Variants in ANKRD44 observed in about 807,000 individuals in gnomAD.
ANKRD44 encodes the protein serine/threonine-protein phosphatase 6 regulatory ankyrin repeat subunit B.
A neutral mutation model predicts 116.0 loss-of-function variants in ANKRD44; 35 were observed. The observed-to-expected ratio is 0.30, with a 90% CI of 0.23 to 0.40. ANKRD44 has a LOEUF of 0.40. Among genes scored for constraint, ANKRD44 ranks in the 10% least tolerant of loss-of-function variants. The pLI, the probability that ANKRD44 is intolerant of heterozygous loss-of-function variation, is 1.00. For synonymous variants in ANKRD44, 435 were observed against 461.8 expected (o/e 0.94, Z 0.74); for missense variants, 1,014 against 1,242.6 (o/e 0.82, Z 2.77).
chr2:197,188,759 A>G (rs1274358125), intron 1 of ANKRD44, among the ~76,000 whole-genome samples: 3 of 152,040 alleles, frequency 2.0e-5, no homozygotes, highest in Admixed American at 6.5e-5. Context: ...ACACACACAC[A>G]TTCACCCAAA....
At chr2:197,136,021 A>C (rs2079207891) in intron 4 of ANKRD44, 1 of 155,718 alleles carries the variant, frequency 6.4e-6, no homozygotes, top group South Asian at 1.9e-4. Flanking sequence ...ATCTGAGCAT[A>C]CCACTCCCCT....
Position 197,117,253 on chromosome 2 carries a change from T to C in ANKRD44, c.906+4079A>G, listed in dbSNP as rs1279439734. On this transcript the variant is annotated intron_variant, in intron 8 of 27. Transcript: ENST00000282272. Reference sequence around the variant, plus strand: ...CCTTCCTTTATTATTTATTTATTTATTTTTTTGACAGAGTCTTGCTCTGTT... The same window carrying C: ...CCTTCCTTTATTATTTATTTATTTACTTTTTTGACAGAGTCTTGCTCTGTT... 2.6e-5 allele frequency among the ~76,000 whole-genome samples: 4 copies of C among 152,132 alleles called. No homozygotes were observed. The East Asian group carries it at 5.8e-4, about 22-fold the overall frequency.
At chr2:197,202,076 G>A (rs1472410691) in intron 1 of ANKRD44, among the ~76,000 whole-genome samples, 1 of 152,260 alleles carries the variant, frequency 6.6e-6, no homozygotes. Flanking sequence ...CTTGGTGAAA[G>A]GCAGGTGGCC....
chr2:197,095,318 A>G (rs547332063), intron 10 of ANKRD44, among the ~76,000 whole-genome samples: 1 of 152,350 alleles, frequency 6.6e-6, no homozygotes, highest in African/African-American at 2.4e-5. Flanking sequence ...TGAGAAAAGA[A>G]TAAAGATGGG....
At chr2:197,120,003 T>G (rs1480762851) in intron 8 of ANKRD44, among the ~76,000 whole-genome samples, 1 of 152,144 alleles carries the variant, frequency 6.6e-6, no homozygotes, top group African/African-American at 2.4e-5. Context: ...CTCTCTCAAA[T>G]TATCTCTATC....
chr2:197,284,667 C>G (rs982918424), intron 1 of ANKRD44, among the ~76,000 whole-genome samples: 2 of 152,064 alleles, frequency 1.3e-5, no homozygotes, highest in Non-Finnish European at 2.9e-5. Flanking sequence ...GGGTGGATCA[C>G]TTGAGGCCAG....
At chr2:197,097,187 T>G (rs2078180159) in intron 10 of ANKRD44, among the ~76,000 whole-genome samples, 1 of 152,190 alleles carries the variant, frequency 6.6e-6, no homozygotes, top group African/African-American at 2.4e-5. Flanking sequence ...TAGGGAAAAA[T>G]TTTAAGTAAC....
Position 197,212,050 on chromosome 2 carries a change from T to A in ANKRD44, c.28-24944A>T, listed in dbSNP as rs530172537. The stretch of plus-strand genomic sequence containing the variant: ...CTCTCTCTCTCTCAGTCTCTCTCTC[T>A]CTCACACACACACACACACACACAC... On this transcript the variant is annotated intron_variant, in intron 1 of 27. Coordinates refer to ENST00000282272, the MANE Select transcript of ANKRD44 (RefSeq NM_001195144.2). This position sits in a 1 kb window ranked among gnomAD's most constrained non-coding sequence, Gnocchi z 4.8. Among the ~76,000 whole-genome samples, 44,103 of 123,194 alleles carry A rather than the reference T, an allele frequency of 0.36. 6,928 individuals are homozygous for A. The highest frequency in any genetic ancestry group is 0.42 in the African/African-American group (16,544 of 39,334). The allele number at this position is 123,194 out of a possible 152,430, so 80.8% of individuals were successfully genotyped here.
At chr2:196,998,546 T>A in intron 24 of ANKRD44, 127 bp from the exon 25 acceptor site, 3 of 747,982 alleles carry the variant, frequency 4.0e-6, no homozygotes, top group Admixed American at 2.8e-5. Context: ...TTAATGTATT[T>A]AAAGAAAAAA....
At chr2:196,972,027 G>A (rs1427789576) in intron 21 of ANKRD44, among the ~76,000 whole-genome samples, 2 of 152,128 alleles carry the variant, frequency 1.3e-5, no homozygotes, top group East Asian at 3.9e-4. Flanking sequence ...GAGTGTTTGA[G>A]GGTACAGACA....
chr2:197,170,264 A>C (rs2080201395), intron 2 of ANKRD44, among the ~76,000 whole-genome samples: 1 of 152,124 alleles, frequency 6.6e-6, no homozygotes, highest in Non-Finnish European at 1.5e-5. Flanking sequence ...GTGTTCAAGA[A>C]AGTTAAACAG....
In ANKRD44 at chr2:197,211,589, T is replaced by C. The variant is rs1281938341; in HGVS notation, c.28-24483A>G. ...CATTTCAATGGAAAAATAATGTCTT[T>C]AGTTAACTAACTTAAAAAAATTAAC... On this transcript the variant is annotated intron_variant, in intron 1 of 27. Coordinates refer to ENST00000282272, the MANE Select transcript of ANKRD44 (RefSeq NM_001195144.2). Among the ~76,000 whole-genome samples the C allele has an allele frequency of 2.0e-5, 3 of 152,172 alleles. No homozygotes were observed. The South Asian group carries it at 6.2e-4, about 31-fold the overall frequency.
At chr2:197,099,427 G>A (rs1250425587) in intron 10 of ANKRD44, 1 of 756,102 alleles carries the variant, frequency 1.3e-6, no homozygotes, top group Non-Finnish European at 1.6e-6. Context: ...TGACTCAATT[G>A]TACTCTATAA....
intron 1 of ANKRD44, among the ~76,000 whole-genome samples, chr2:197,200,002 C>A (rs1256891394): frequency 6.6e-6 from 1 of 152,208 alleles, no homozygotes; most frequent in Non-Finnish European, 1.5e-5. Context: ...AAAGCATTTT[C>A]TGAGTACCTA....
chr2:197,138,805 A>T lies in ANKRD44; in HGVS notation c.191-2143T>A, dbSNP rs146283111. ...CACAAACATCACTCAGACCATATGC[A>T]GTCCTAGAGAGCTGGAATTATTTTT... On this transcript the variant is annotated intron_variant, in intron 3 of 27. Transcript: ENST00000282272. 4.5e-4 allele frequency among the ~76,000 whole-genome samples: 69 copies of T among 152,314 alleles called. 1 individual carries two copies. Among genetic ancestry groups the T allele is most frequent in the African/African-American group, 1.5e-3 (64 of 41,552 alleles).
chr2:197,071,224 T>C (rs777685659), intron 16 of ANKRD44, among the ~76,000 whole-genome samples: 1 of 152,192 alleles, frequency 6.6e-6, no homozygotes, highest in African/African-American at 2.4e-5. Flanking sequence ...TCCATCTTTA[T>C]ATCAATTTTC....
At chr2:197,310,509 C>A in intron 1 of ANKRD44, 69 bp downstream of exon 1, 8 of 984,610 alleles carry the variant, frequency 8.1e-6, no homozygotes, top group Non-Finnish European at 9.7e-6. Flanking sequence ...GCCGCGCCCC[C>A]ATCCCCCCGC....
chr2:197,206,425 T>A (rs1394164118), intron 1 of ANKRD44, among the ~76,000 whole-genome samples: 2 of 152,188 alleles, frequency 1.3e-5, no homozygotes, highest in African/African-American at 4.8e-5. Context: ...GGCTCGTGCC[T>A]GTAATCCCAG....
At chr2:197,197,809 C>CAAAAAAAAAAAAAAA (rs199994103) in intron 1 of ANKRD44, among the ~76,000 whole-genome samples, 1 of 114,170 alleles carries the variant, frequency 8.8e-6, no homozygotes, top group Admixed American at 9.2e-5. Context: ...AATCCTGTCT[C>CAAAAAAAAAAAAAAA]AAAAAAAAAA....
Sources: gnomAD v4.1 joint callset for allele counts (sites outside exome capture counted in the v4.1 genomes callset) on GRCh38, gnomAD v4.1.1 for gene constraint, Gnocchi (gnomAD v3.1) non-coding constraint, MANE v1.5 for transcripts, NCBI Gene and HGNC (gene_info 2026-07-23, HGNC 2026-07-21) for gene names.